The following ELOVL7 variants were observed in gnomAD, a reference collection of about 807,000 sequenced individuals.
ELOVL7 encodes very long chain fatty acid elongase 7.
In ELOVL7, 27 loss-of-function variants were observed where a neutral mutation model predicts 35.7. That is an observed-to-expected ratio of 0.76 (90% CI 0.56 to 1.04). ELOVL7 has a LOEUF of 1.04. Ranked by LOEUF, ELOVL7 falls within the 50% of genes least tolerant of loss-of-function variation. The probability of loss-of-function intolerance (pLI) is 0.00; values close to 1 mark genes in which losing one functional copy is unlikely to be tolerated. For synonymous variants in ELOVL7, 113 were observed against 114.6 expected (o/e 0.99, Z 0.09); for missense variants, 327 against 340.8 (o/e 0.96, Z 0.32).
At chr5:60,821,926 G>A (rs1368099654) in intron 1 of ELOVL7, among the ~76,000 whole-genome samples, 2 of 152,164 alleles carry the variant, frequency 1.3e-5, no homozygotes, top group South Asian at 2.1e-4. Context: ...ACTGATCCAC[G>A]ATAGGGAAAA....
chr5:60,761,005 T>C (rs1741876582), intron 7 of ELOVL7, among the ~76,000 whole-genome samples: 1 of 151,356 alleles, frequency 6.6e-6, no homozygotes, highest in African/African-American at 2.5e-5. Flanking sequence ...TTACTTTCTC[T>C]AGTTATGATT....
intron 4 of ELOVL7, 60 bp downstream of exon 4, chr5:60,771,843 G>T: frequency 8.3e-7 from 1 of 1,200,982 alleles, no homozygotes. Context: ...AAAACATAAT[G>T]ACACATAAAC....
At chr5:60,835,357 C>T (rs1321112319) in intron 1 of ELOVL7, among the ~76,000 whole-genome samples, 5 of 151,910 alleles carry the variant, frequency 3.3e-5, no homozygotes, top group Non-Finnish European at 7.4e-5. Flanking sequence ...AACAACTACA[C>T]ACACTTTTAA....
chr5:60,829,867 T>C (rs1746380299), intron 1 of ELOVL7, among the ~76,000 whole-genome samples: 1 of 152,266 alleles, frequency 6.6e-6, no homozygotes, highest in Admixed American at 6.5e-5. Context: ...TATATAGTTA[T>C]ACTTTTGTTT....
intron 1 of ELOVL7, among the ~76,000 whole-genome samples, chr5:60,803,195 T>C (rs1479681882): frequency 6.6e-6 from 1 of 152,178 alleles, no homozygotes; most frequent in Non-Finnish European, 1.5e-5. Flanking sequence ...CCTTGGTTAA[T>C]CTACATTATA....
intron 2 of ELOVL7, among the ~76,000 whole-genome samples, chr5:60,795,025 C>T (rs184895394): frequency 8.5e-5 from 13 of 152,228 alleles, no homozygotes; most frequent in Non-Finnish European, 1.2e-4. Context: ...CAAGCTATTC[C>T]GCAGAAATAA....
chr5:60,788,500 T>C (rs1225596784), intron 2 of ELOVL7, among the ~76,000 whole-genome samples: 1 of 151,938 alleles, frequency 6.6e-6, no homozygotes, highest in Non-Finnish European at 1.5e-5. Flanking sequence ...ATTGGCCGGG[T>C]GCAGTGGCTC....
At chr5:60,815,608 C>T (rs905680897) in intron 1 of ELOVL7, among the ~76,000 whole-genome samples, 1 of 151,192 alleles carries the variant, frequency 6.6e-6, no homozygotes, top group Non-Finnish European at 1.5e-5. Flanking sequence ...CGTTCTGTTA[C>T]CCAGGCTGGA....
At position 60,844,228 on chromosome 5, in the gene ELOVL7, C is replaced by G. The variant is rs1579962723; in HGVS notation, c.-154G>C. 1 of 152,242 alleles carries G rather than the reference C, an allele frequency of 6.6e-6. No homozygotes were observed. The highest frequency in any genetic ancestry group is 1.9e-4 in the East Asian group (1 of 5,176). 9.4% of individuals were successfully genotyped at this position (152,242 alleles called of 1,614,324 possible). ...AGGGCGGCGACTGGCAGCGCGAGCG[C>G]GGAGCTCCTCACAGCGGCCCCCGCT... On this transcript the variant is annotated 5_prime_UTR_variant, in exon 1 of 9. Transcript: ENST00000508821.
intron 4 of ELOVL7, among the ~76,000 whole-genome samples, chr5:60,768,205 C>T (rs1171193712): frequency 6.6e-6 from 1 of 152,140 alleles, no homozygotes. Context: ...TTTGCTTAAA[C>T]AGCAAATACT....
intron 3 of ELOVL7, among the ~76,000 whole-genome samples, chr5:60,780,162 C>T (rs1743155224): frequency 6.8e-6 from 1 of 146,512 alleles, no homozygotes; most frequent in Non-Finnish European, 1.5e-5. Flanking sequence ...TCTTGTTGCC[C>T]AGGCTGGAGT....
At chr5:60,815,509 A>G (rs958094698) in intron 1 of ELOVL7, among the ~76,000 whole-genome samples, 3 of 145,426 alleles carry the variant, frequency 2.1e-5, no homozygotes, top group South Asian at 2.2e-4. Context: ...AAACATGAAC[A>G]TCACATTGTA....
At chr5:60,823,309 G>C (rs935376810) in intron 1 of ELOVL7, among the ~76,000 whole-genome samples, 3 of 152,042 alleles carry the variant, frequency 2.0e-5, no homozygotes, top group African/African-American at 7.2e-5. Flanking sequence ...TAGTAAAGGG[G>C]AGGAAGCCTT....
chr5:60,781,303 T>C (rs1743241525), intron 3 of ELOVL7, among the ~76,000 whole-genome samples: 1 of 152,148 alleles, frequency 6.6e-6, no homozygotes, highest in Admixed American at 6.5e-5. Flanking sequence ...GGGAGTTTAG[T>C]TGACTTTTGT....
intron 1 of ELOVL7, among the ~76,000 whole-genome samples, chr5:60,821,635 G>A (rs1745895332): frequency 6.6e-6 from 1 of 152,220 alleles, no homozygotes; most frequent in Non-Finnish European, 1.5e-5. Flanking sequence ...CCTGACATAA[G>A]CTGTCCCCTC....
chr5:60,780,905 TA>T (rs1264219535), intron 3 of ELOVL7, among the ~76,000 whole-genome samples: 4 of 151,866 alleles, frequency 2.6e-5, no homozygotes, highest in African/African-American at 9.7e-5. Flanking sequence ...GCTAATGAAA[TA>T]AAAAACTAAT....
At chr5:60,784,934 C>G (rs1337677728) in intron 3 of ELOVL7, among the ~76,000 whole-genome samples, 1 of 152,154 alleles carries the variant, frequency 6.6e-6, no homozygotes, top group Non-Finnish European at 1.5e-5. Flanking sequence ...CTGTAACAAC[C>G]AGCACCACTC....
At chr5:60,801,780 A>T (rs527461922) in intron 1 of ELOVL7, among the ~76,000 whole-genome samples, 2 of 152,080 alleles carry the variant, frequency 1.3e-5, no homozygotes, top group South Asian at 4.2e-4. Context: ...GAGTCTGTTC[A>T]GTCTTTCTTC....
rs551819564 is a variant in ELOVL7, at chr5:60,753,199, A to G, written c.*1425T>C. The G allele has an allele frequency of 2.0e-5, 3 of 152,124 alleles. No homozygotes were observed. The highest frequency in any genetic ancestry group is 7.2e-5 in the African/African-American group (3 of 41,546). The allele number at this position is 152,124 out of a possible 1,614,324, so 9.4% of individuals were successfully genotyped here. On this transcript the variant is annotated 3_prime_UTR_variant, in exon 9 of 9. Transcript: ENST00000508821. ...AAACATAAACAGTGCTTCAAAATTGAGTATAAATAAAAGAAGAAAAAAAAT... is the reference window on the plus strand; with the variant it reads ...AAACATAAACAGTGCTTCAAAATTGGGTATAAATAAAAGAAGAAAAAAAAT...
Sources: gnomAD v4.1 joint callset for allele counts (sites outside exome capture counted in the v4.1 genomes callset) on GRCh38, gnomAD v4.1.1 for gene constraint, MANE v1.5 for transcripts, NCBI Gene and HGNC (gene_info 2026-07-23, HGNC 2026-07-21) for gene names.